The following EYS variants were observed in gnomAD, a reference collection of about 807,000 sequenced individuals.
EYS encodes protein eyes shut homolog.
A neutral mutation model predicts 282.1 loss-of-function variants in EYS; 250 were observed. The observed-to-expected ratio is 0.89, with a 90% CI of 0.80 to 0.98. EYS has a LOEUF of 0.98. Ranked by LOEUF, EYS falls within the 50% of genes least tolerant of loss-of-function variation. The pLI, the probability that EYS is intolerant of heterozygous loss-of-function variation, is 0.00. For missense variants in EYS, 4,016 were observed against 3,709.0 expected (o/e 1.08, Z -2.15); for synonymous variants, 1,355 against 1,282.9 (o/e 1.06, Z -1.20).
At chr6:65,419,158 A>G (rs1767358033) in intron 5 of EYS, among the ~76,000 whole-genome samples, 1 of 151,964 alleles carries the variant, frequency 6.6e-6, no homozygotes, top group Non-Finnish European at 1.5e-5. Context: ...TGAATAAAAT[A>G]TAAATGTATA....
chr6:65,623,625 A>G (rs1766599211), intron 2 of EYS, among the ~76,000 whole-genome samples: 1 of 152,204 alleles, frequency 6.6e-6, no homozygotes, highest in Non-Finnish European at 1.5e-5. Context: ...TGAAGCGATA[A>G]AAGGTTAGCC....
chr6:65,185,538 C>T (rs1265590603), intron 12 of EYS, among the ~76,000 whole-genome samples: 3 of 151,778 alleles, frequency 2.0e-5, no homozygotes, highest in African/African-American at 7.2e-5. Context: ...ATATTGTAAC[C>T]AATGGTAGAA....
chr6:64,217,021 A>C (rs901488724), intron 31 of EYS, among the ~76,000 whole-genome samples: 2 of 152,184 alleles, frequency 1.3e-5, no homozygotes, highest in Admixed American at 6.5e-5. Context: ...ATTTGCTTGT[A>C]GTCATAGAAG....
chr6:65,424,386 T>G (rs895966734), intron 5 of EYS, among the ~76,000 whole-genome samples: 1 of 152,044 alleles, frequency 6.6e-6, no homozygotes, highest in Non-Finnish European at 1.5e-5. Flanking sequence ...AAAATGAATA[T>G]TTATCCTATG....
At chr6:65,269,619 T>C (rs994920551) in intron 12 of EYS, among the ~76,000 whole-genome samples, 1 of 152,122 alleles carries the variant, frequency 6.6e-6, no homozygotes. Flanking sequence ...AAGTACCATA[T>C]ACTAGGTGGC....
At chr6:65,231,677 A>C (rs1434596042) in intron 12 of EYS, among the ~76,000 whole-genome samples, 1 of 151,922 alleles carries the variant, frequency 6.6e-6, no homozygotes, top group East Asian at 1.9e-4. Flanking sequence ...TTAATAATTA[A>C]ATTTAATAAT....
At chr6:64,763,587 C>A (rs1483778175) in intron 22 of EYS, among the ~76,000 whole-genome samples, 1 of 152,074 alleles carries the variant, frequency 6.6e-6, no homozygotes, top group African/African-American at 2.4e-5. Context: ...ATTATTCCAA[C>A]CCTGGCCCCT....
At chr6:64,570,105 C>T (rs953636909) in intron 26 of EYS, among the ~76,000 whole-genome samples, 1 of 152,196 alleles carries the variant, frequency 6.6e-6, no homozygotes, top group Non-Finnish European at 1.5e-5. Flanking sequence ...TCTGAAGAAA[C>T]CCTACAAGCC....
chr6:64,813,972 A>G (rs1478096095), intron 21 of EYS, among the ~76,000 whole-genome samples: 1 of 151,980 alleles, frequency 6.6e-6, no homozygotes, highest in Non-Finnish European at 1.5e-5. Flanking sequence ...CTGCTCTCCT[A>G]CGGTAATGAT....
intron 13 of EYS, among the ~76,000 whole-genome samples, chr6:65,037,384 AT>A (rs1245673061): frequency 6.6e-6 from 1 of 151,842 alleles, no homozygotes; most frequent in East Asian, 1.9e-4. Context: ...CAGTGATGAA[AT>A]AATCTATCTG....
intron 22 of EYS, among the ~76,000 whole-genome samples, chr6:64,640,516 C>A (rs1768097337): frequency 6.8e-6 from 1 of 147,528 alleles, no homozygotes; most frequent in Non-Finnish European, 1.5e-5. Flanking sequence ...GGGAATCGAA[C>A]AATGAGAACA....
chr6:65,047,342 G>T (rs1384079862), intron 13 of EYS, among the ~76,000 whole-genome samples: 1 of 151,662 alleles, frequency 6.6e-6, no homozygotes, highest in South Asian at 2.1e-4. Context: ...TATTACCAAA[G>T]AACGACAGAT....
intron 13 of EYS, among the ~76,000 whole-genome samples, chr6:65,037,445 A>G (rs1296041225): frequency 6.6e-6 from 1 of 151,820 alleles, no homozygotes; most frequent in African/African-American, 2.4e-5. Context: ...ATACCTGCAC[A>G]TGTACCTTCT....
chr6:64,058,535 T>C (rs1219256048), intron 33 of EYS, among the ~76,000 whole-genome samples: 1 of 152,152 alleles, frequency 6.6e-6, no homozygotes, highest in East Asian at 1.9e-4. Flanking sequence ...ATAAATGTAT[T>C]GTTAAATCAC....
At chr6:65,269,546 T>A (rs1332748296) in intron 12 of EYS, among the ~76,000 whole-genome samples, 4 of 152,168 alleles carry the variant, frequency 2.6e-5, no homozygotes. Context: ...TTCCTATCTG[T>A]AAAGCTACAG....
rs1225469291 is a variant in EYS at position 64,500,130 on chromosome 6, T to G, written c.5645-60778A>C. Among the ~76,000 whole-genome samples the G allele has an allele frequency of 2.6e-5, 4 of 152,060 alleles. No homozygotes were observed. In the East Asian group the frequency reaches 7.7e-4, roughly 29 times the overall value. ...AGAACTGTTAGCTAAATGTAATCAT[T>G]TTTTTCAGATTCCCTCCCCTGCCCC... On this transcript the variant is annotated intron_variant, in intron 26 of 42. Transcript: ENST00000503581.
intron 2 of EYS, among the ~76,000 whole-genome samples, chr6:65,618,785 C>T (rs971974704): frequency 6.6e-6 from 1 of 152,142 alleles, no homozygotes; most frequent in African/African-American, 2.4e-5. Context: ...TAGCCAGTTT[C>T]CCAGCACCAT....
intron 2 of EYS, among the ~76,000 whole-genome samples, chr6:65,619,349 C>T (rs1441427067): frequency 1.3e-5 from 2 of 152,060 alleles, no homozygotes; most frequent in Admixed American, 1.3e-4. Flanking sequence ...ATTTGCCTCT[C>T]TGTTTGTCTG....
chr6:63,738,513 C>T (rs1334730895), intron 41 of EYS, among the ~76,000 whole-genome samples: 3 of 145,782 alleles, frequency 2.1e-5, no homozygotes, highest in African/African-American at 7.7e-5. Flanking sequence ...CCCATATTCT[C>T]ACTCATAGGT....
Sources: allele counts gnomAD v4.1 joint callset (sites outside exome capture counted in the v4.1 genomes callset), GRCh38; gene constraint gnomAD v4.1.1; transcripts MANE v1.5; gene names NCBI Gene and HGNC (gene_info 2026-07-23, HGNC 2026-07-21).